Variants in CDKAL1 observed in about 807,000 individuals in gnomAD.
CDKAL1 encodes threonylcarbamoyladenosine tRNA methylthiotransferase.
A neutral mutation model predicts 68.2 loss-of-function variants in CDKAL1; 32 were observed. The observed-to-expected ratio is 0.47, with a 90% confidence interval of 0.35 to 0.63. CDKAL1 has a LOEUF of 0.63. CDKAL1 is among the 30% of genes least tolerant of loss of function. The pLI is 0.00. For missense variants in CDKAL1, 606 were observed against 696.7 expected, an observed-to-expected ratio of 0.87 and a Z score of 1.47; for synonymous variants, 234 against 244.3, an observed-to-expected ratio of 0.96 and a Z score of 0.39.
At chr6:20,975,409 T>C (rs1344163295) in intron 10 of CDKAL1, among the ~76,000 whole-genome samples, 1 of 152,246 alleles carries the variant, frequency 6.6e-6, no homozygotes, top group African/African-American at 2.4e-5. Context: ...TATGCCCTGA[T>C]ACATAATTGA....
chr6:20,665,962 G>A (rs1020890358), intron 5 of CDKAL1, among the ~76,000 whole-genome samples: 11 of 151,756 alleles, frequency 7.2e-5, no homozygotes, highest in African/African-American at 2.4e-4. Flanking sequence ...CCCCCAATTA[G>A]TATTATATCC....
At chr6:21,002,498 G>T (rs73733187) in intron 11 of CDKAL1, among the ~76,000 whole-genome samples, 1 of 151,832 alleles carries the variant, frequency 6.6e-6, no homozygotes, top group Non-Finnish European at 1.5e-5. Flanking sequence ...TTAAATTAAC[G>T]CTGTATTGTG....
intron 4 of CDKAL1, among the ~76,000 whole-genome samples, chr6:20,574,424 G>C (rs893623139): frequency 3.3e-5 from 5 of 152,148 alleles, no homozygotes; most frequent in African/African-American, 1.2e-4. Context: ...ATAGAAATAT[G>C]ATGGGCAGAC....
intron 4 of CDKAL1, among the ~76,000 whole-genome samples, chr6:20,551,317 G>T (rs1763814002): frequency 6.6e-6 from 1 of 152,086 alleles, no homozygotes; most frequent in South Asian, 2.1e-4. Context: ...TGATTAAGGA[G>T]GATTGGAAAC....
At chr6:20,720,294 T>G (rs1427815140) in intron 5 of CDKAL1, among the ~76,000 whole-genome samples, 2 of 152,166 alleles carry the variant, frequency 1.3e-5, no homozygotes, top group African/African-American at 4.8e-5. Context: ...TTGCACAAAT[T>G]TGTGGGGTGC....
intron 13 of CDKAL1, among the ~76,000 whole-genome samples, chr6:21,121,418 G>GT (rs1774706289): frequency 6.6e-6 from 1 of 152,116 alleles, no homozygotes; most frequent in South Asian, 2.1e-4. Context: ...CTTATTAATT[G>GT]TAAGACTCAC....
intron 15 of CDKAL1, among the ~76,000 whole-genome samples, chr6:21,211,039 G>A (rs937886720): frequency 6.6e-6 from 1 of 152,216 alleles, no homozygotes; most frequent in Admixed American, 6.5e-5. Flanking sequence ...ACACCCTGGG[G>A]ACAAAGGAGG....
chr6:21,168,905 T>C (rs1330054829), intron 13 of CDKAL1, among the ~76,000 whole-genome samples: 1 of 152,178 alleles, frequency 6.6e-6, no homozygotes, highest in Non-Finnish European at 1.5e-5. Context: ...ATATCCTTCT[T>C]CGCCAAAACA....
At chr6:20,562,593 T>A (rs969699431) in intron 4 of CDKAL1, among the ~76,000 whole-genome samples, 4 of 151,766 alleles carry the variant, frequency 2.6e-5, no homozygotes, top group African/African-American at 9.7e-5. Flanking sequence ...ACAAAAAAAA[T>A]TAATCGGCTA....
intron 10 of CDKAL1, among the ~76,000 whole-genome samples, chr6:20,970,707 T>A (rs1489592861): frequency 6.6e-6 from 1 of 152,236 alleles, no homozygotes; most frequent in Non-Finnish European, 1.5e-5. Flanking sequence ...TGAGTCACCA[T>A]CACAGAAAGC....
chr6:20,910,708 G>A (rs1762431781), intron 9 of CDKAL1, among the ~76,000 whole-genome samples: 1 of 152,218 alleles, frequency 6.6e-6, no homozygotes, highest in African/African-American at 2.4e-5. Flanking sequence ...ATACCTCGGA[G>A]CATGAGTTTA....
intron 9 of CDKAL1, among the ~76,000 whole-genome samples, chr6:20,888,510 TCCCTCCC>T (rs1230563889): frequency 8.3e-6 from 1 of 119,778 alleles, no homozygotes; most frequent in Non-Finnish European, 1.8e-5. Flanking sequence ...CCTAATGCTA[TCCCTCCC>T]CCCTCCCCCC....
chr6:20,809,282 G>A (rs541451169), intron 8 of CDKAL1, among the ~76,000 whole-genome samples: 2 of 152,240 alleles, frequency 1.3e-5, no homozygotes, highest in East Asian at 1.9e-4. Flanking sequence ...CAAGTTATTA[G>A]CACCCAGGGG....
chr6:20,564,029 G>A (rs1764367713), intron 4 of CDKAL1, among the ~76,000 whole-genome samples: 1 of 152,162 alleles, frequency 6.6e-6, no homozygotes, highest in African/African-American at 2.4e-5. Context: ...GAGCCTCAGT[G>A]TCTTTAAAAT....
chr6:21,186,825 G>A (rs773454906), intron 13 of CDKAL1, among the ~76,000 whole-genome samples: 12 of 151,596 alleles, frequency 7.9e-5, no homozygotes, highest in African/African-American at 1.5e-4. Context: ...GTAGATTTCC[G>A]TTAAATTTTT....
At chr6:20,536,589 G>T (rs2127641984) in intron 2 of CDKAL1, among the ~76,000 whole-genome samples, 1 of 152,240 alleles carries the variant, frequency 6.6e-6, no homozygotes, top group East Asian at 1.9e-4. Flanking sequence ...TTCTGGGACA[G>T]TGATTATCAA....
chr6:20,851,240 G>A (rs751854563), intron 9 of CDKAL1, among the ~76,000 whole-genome samples: 6 of 152,090 alleles, frequency 3.9e-5, no homozygotes, highest in Non-Finnish European at 8.8e-5. Context: ...ACAGTGTTTG[G>A]GGGCTGAGTT....
intron 5 of CDKAL1, among the ~76,000 whole-genome samples, chr6:20,710,290 C>T (rs1445834143): frequency 1.3e-5 from 2 of 152,186 alleles, no homozygotes; most frequent in African/African-American, 4.8e-5. Context: ...CGTGATGTTT[C>T]AGCCATTGAG....
At chr6:20,909,602 A>G (rs567163331) in intron 9 of CDKAL1, among the ~76,000 whole-genome samples, 3 of 152,084 alleles carry the variant, frequency 2.0e-5, no homozygotes, top group Non-Finnish European at 4.4e-5. Flanking sequence ...TTTGCTTGTT[A>G]TTTTATTTTT....
Sources: allele counts gnomAD v4.1 joint callset (sites outside exome capture counted in the v4.1 genomes callset), GRCh38; gene constraint gnomAD v4.1.1; transcripts MANE v1.5; gene names NCBI Gene and HGNC (gene_info 2026-07-23, HGNC 2026-07-21).